The following SP100 variants were observed in gnomAD, a reference collection of about 807,000 sequenced individuals.
SP100 encodes nuclear autoantigen Sp-100.
In SP100, 84 loss-of-function variants were observed where a neutral mutation model predicts 130.0. The ratio of observed to expected loss-of-function variants is 0.65; its 90% CI spans 0.54 to 0.77. The LOEUF (loss-of-function observed/expected upper bound fraction) is 0.77, where lower values mean the gene tolerates loss of function less well. Among genes scored for constraint, SP100 ranks in the 30% least tolerant of loss-of-function variants. The pLI is 0.00. For synonymous variants in SP100, 331 were observed against 351.7 expected (o/e 0.94, Z 0.66); for missense variants, 978 against 1,052.2 (o/e 0.93, Z 0.97).
At chr2:230,518,026 T>C (rs1482363372) in intron 24 of SP100, among the ~76,000 whole-genome samples, 1 of 152,130 alleles carries the variant, frequency 6.6e-6, no homozygotes, top group Non-Finnish European at 1.5e-5. Flanking sequence ...TATTATGACT[T>C]AGACTGTTTG....
intron 19 of SP100, among the ~76,000 whole-genome samples, chr2:230,502,730 T>G (rs1421089367): frequency 6.6e-6 from 1 of 152,212 alleles, no homozygotes; most frequent in East Asian, 1.9e-4. Flanking sequence ...GCATCGTGGC[T>G]GTAACCGAGT....
At chr2:230,528,912 G>T (rs900996301) in intron 24 of SP100, among the ~76,000 whole-genome samples, 8 of 152,168 alleles carry the variant, frequency 5.3e-5, no homozygotes, top group Admixed American at 4.6e-4. Flanking sequence ...CCAATAACAG[G>T]TTCTGAAATT....
At chr2:230,505,564 T>C (rs551731636) in intron 21 of SP100, among the ~76,000 whole-genome samples, 2 of 152,154 alleles carry the variant, frequency 1.3e-5, no homozygotes, top group Non-Finnish European at 2.9e-5. Context: ...CACTGTATTA[T>C]TATGAGAAAA....
intron 4 of SP100, among the ~76,000 whole-genome samples, chr2:230,445,320 C>G (rs1474432175): frequency 6.6e-6 from 1 of 152,156 alleles, no homozygotes. Flanking sequence ...GGCACATGCT[C>G]TGAAGATGGT....
rs371849237 is a variant in SP100, at chr2:230,541,957, T to C, written c.2469T>C (p.Asn823=). ...MWLNKVKTSL[N]EQMYTRVEGF... is the part of the protein sequence containing the mutation. ...TAAACAAAGTCAAGACAAGTTTGAATGAGCAGATGTACACCCGAGTAGAAG... is the reference window on the plus strand; with the variant it reads ...TAAACAAAGTCAAGACAAGTTTGAACGAGCAGATGTACACCCGAGTAGAAG... The change falls in exon 28 of 29, where the codon AAT becomes AAC. Residue 823 remains asparagine (N), a synonymous_variant. Coordinates refer to ENST00000340126, the MANE Select transcript of SP100 (RefSeq NM_001080391.2). 1 of 1,614,132 alleles carries C rather than the reference T, an allele frequency of 6.2e-7. No individual in the cohort carries two copies. Among genetic ancestry groups the C allele is most frequent in the Admixed American group, 1.7e-5 (1 of 60,018 alleles).
At chr2:230,461,499 C>T (rs989898141) in intron 9 of SP100, 85 bp downstream of exon 9, 11 of 1,381,594 alleles carry the variant, frequency 8.0e-6, no homozygotes, top group Non-Finnish European at 9.2e-6. Flanking sequence ...ACCATCGGGG[C>T]AGTGCAGGTA....
chr2:230,419,675 T>G (rs181358907), intron 2 of SP100, among the ~76,000 whole-genome samples: 84 of 152,354 alleles, frequency 5.5e-4, no homozygotes, highest in African/African-American at 1.9e-3. Context: ...ACTACATTGT[T>G]ATAGTTGATC....
chr2:230,416,417 C>T (rs1045854619), intron 1 of SP100, 89 bp downstream of exon 1: 5 of 1,105,606 alleles, frequency 4.5e-6, no homozygotes, highest in Non-Finnish European at 5.4e-6. Context: ...TAAGGCTTCA[C>T]TTTAATCCTT....
At chr2:230,439,602 T>G (rs1162305910) in intron 2 of SP100, among the ~76,000 whole-genome samples, 1 of 151,524 alleles carries the variant, frequency 6.6e-6, no homozygotes, top group Non-Finnish European at 1.5e-5. Flanking sequence ...GGTTTATTTT[T>G]TATTTATTTA....
At position 230,534,695 on chromosome 2, in the gene SP100, T is replaced by C. The variant is rs1207010323; in HGVS notation, c.2095-4572T>C. Among the ~76,000 whole-genome samples the C allele has an allele frequency of 4.6e-5, 7 of 152,352 alleles. No homozygotes were observed. In the East Asian group the frequency reaches 1.2e-3, roughly 25 times the overall value. On this transcript the variant is annotated intron_variant, in intron 24 of 28. Coordinates refer to ENST00000340126, the MANE Select transcript of SP100 (RefSeq NM_001080391.2). ...GTCAACTTCTTTTGGGTTATATTTA[T>C]ATAGATGTGTTGTTAATATGTGTTC...
intron 24 of SP100, among the ~76,000 whole-genome samples, chr2:230,516,726 CT>C (rs930483385): frequency 2.9e-4 from 44 of 152,202 alleles, no homozygotes; most frequent in African/African-American, 1.0e-3. Flanking sequence ...ACTTCAAATG[CT>C]TGTAGAGAAA....
At chr2:230,483,018 T>C (rs2065905455) in intron 17 of SP100, among the ~76,000 whole-genome samples, 2 of 152,234 alleles carry the variant, frequency 1.3e-5, no homozygotes, top group Admixed American at 1.3e-4. Context: ...AACATAGAGA[T>C]ATCTCACTAT....
rs1467208922 is a variant in SP100, at chr2:230,518,117, A to G, written c.2094+6951A>G. Among the ~76,000 whole-genome samples the G allele has an allele frequency of 3.9e-5, 6 of 152,108 alleles. No individual in the cohort carries two copies. In the East Asian group the frequency reaches 1.2e-3, roughly 29 times the overall value. ...TACTTTAGAACAAAAAACTTACAAG[A>G]CTTTTTTCTCATGCAAAATTATTCT... On this transcript the variant is annotated intron_variant, in intron 24 of 28. Coordinates refer to ENST00000340126, the MANE Select transcript of SP100 (RefSeq NM_001080391.2).
chr2:230,467,499 A>C (rs562889210), intron 13 of SP100, among the ~76,000 whole-genome samples: 137 of 152,318 alleles, frequency 9.0e-4, no homozygotes, highest in Non-Finnish European at 1.6e-3. Flanking sequence ...CAAAAGAAAG[A>C]GGTGTAATGG....
At position 230,449,655 on chromosome 2, in the gene SP100, T is replaced by A. The variant is rs752569456; in HGVS notation, c.681T>A (p.Asp227Glu). 1 of 1,614,014 alleles carries A rather than the reference T, an allele frequency of 6.2e-7. No individual in the cohort carries two copies. The highest frequency in any genetic ancestry group is 1.7e-5 in the Admixed American group (1 of 60,004). ...AAGATACAACCAGTGACAAAGATGA[T>A]TCGCTAGGAAGCCAACAAACAAATG... ...KRKDTTSDKD[D>E]SLGSQQTNEQ... Residue 227 changes from aspartate to glutamate, a missense_variant, in exon 7 of 29, where the codon GAT (aspartate) becomes GAA (glutamate). By Grantham distance (45) the Asp-to-Glu change is conservative. Coordinates refer to ENST00000340126, the MANE Select transcript of SP100 (RefSeq NM_001080391.2).
At chr2:230,494,553 T>G in intron 18 of SP100, 93 bp downstream of exon 18, 4 of 912,268 alleles carry the variant, frequency 4.4e-6, no homozygotes, top group Non-Finnish European at 7.2e-6. Context: ...CAGAATCTCC[T>G]ATGGGCCACG....
chr2:230,470,222 A>T, intron 15 of SP100, 124 bp downstream of exon 15: 1 of 1,359,316 alleles, frequency 7.4e-7, no homozygotes, highest in Non-Finnish European at 9.5e-7. Flanking sequence ...TTCATCTGGG[A>T]ACTCCTTTTT....
chr2:230,487,942 T>G (rs1471934999), intron 17 of SP100, among the ~76,000 whole-genome samples: 2 of 152,172 alleles, frequency 1.3e-5, no homozygotes, highest in African/African-American at 2.4e-5. Flanking sequence ...ATTATCTTTG[T>G]AGTGAGTGTG....
intron 2 of SP100, among the ~76,000 whole-genome samples, chr2:230,420,650 A>T (rs1272190074): frequency 1.3e-5 from 2 of 152,062 alleles, no homozygotes; most frequent in Non-Finnish European, 2.9e-5. Flanking sequence ...GAATTGTATC[A>T]TTTTTCTCTT....
Sources: gnomAD v4.1 joint callset for allele counts (sites outside exome capture counted in the v4.1 genomes callset) on GRCh38, gnomAD v4.1.1 for gene constraint, MANE v1.5 for transcripts, NCBI Gene and HGNC (gene_info 2026-07-23, HGNC 2026-07-21) for gene names.